The following ANKRD30B variants were observed in gnomAD, a reference collection of about 807,000 sequenced individuals.
ANKRD30B encodes ankyrin repeat domain-containing protein 30B.
In ANKRD30B, 144 loss-of-function variants were observed where a neutral mutation model predicts 202.2. The ratio of observed to expected loss-of-function variants is 0.71; its 90% CI spans 0.62 to 0.82. The LOEUF (loss-of-function observed/expected upper bound fraction) is 0.82. Among genes scored for constraint, ANKRD30B ranks in the 40% least tolerant of loss-of-function variants. ANKRD30B has a pLI of 0.00. For missense variants in ANKRD30B, 1,487 were observed against 1,669.1 expected, an observed-to-expected ratio of 0.89 and a Z score of 1.90; for synonymous variants, 508 against 561.3, an observed-to-expected ratio of 0.91 and a Z score of 1.34.
chr18:14,821,745 A>G (rs1475201470), intron 30 of ANKRD30B, among the ~76,000 whole-genome samples: 7 of 152,216 alleles, frequency 4.6e-5, no homozygotes, highest in Non-Finnish European at 1.0e-4. Context: ...GGCATGAGCC[A>G]TGGCACCTGG....
At chr18:14,870,640 C>G in the ANKRD30B span, among the ~76,000 whole-genome samples, 2 of 152,272 alleles carry the variant, frequency 1.3e-5, no homozygotes, top group South Asian at 4.1e-4. Flanking sequence ...ACCTAGTGGG[C>G]TGCCTACACC....
intron 1 of ANKRD30B, among the ~76,000 whole-genome samples, chr18:14,749,670 CAAAAAAAAAAAAA>C (rs55960708): frequency 1.6e-5 from 1 of 61,196 alleles, no homozygotes; most frequent in African/African-American, 6.8e-5. Context: ...GACTCTGTCT[CAAAAAAAAAAAAA>C]AAAAAAAAAA....
At chr18:14,830,948 C>T (rs915659710) in intron 33 of ANKRD30B, among the ~76,000 whole-genome samples, 7 of 151,490 alleles carry the variant, frequency 4.6e-5, no homozygotes, top group African/African-American at 1.7e-4. Context: ...TTTGGGAGGC[C>T]GAGGCGGGCA....
At chr18:14,821,893 A>G (rs1256594295) in intron 30 of ANKRD30B, among the ~76,000 whole-genome samples, 1 of 152,244 alleles carries the variant, frequency 6.6e-6, no homozygotes, top group African/African-American at 2.4e-5. Context: ...AAATATATTT[A>G]TAAACTTTCA....
intron 14 of ANKRD30B, among the ~76,000 whole-genome samples, chr18:14,786,185 T>C (rs1294149426): frequency 6.6e-6 from 1 of 152,146 alleles, no homozygotes; most frequent in Non-Finnish European, 1.5e-5. Context: ...CAAATAGTTG[T>C]AATTTGTACT....
chr18:14,934,935 C>G, the ANKRD30B span, among the ~76,000 whole-genome samples: 1 of 151,194 alleles, frequency 6.6e-6, no homozygotes, highest in Non-Finnish European at 1.5e-5. Flanking sequence ...CACACACACA[C>G]ACACACACAC....
At chr18:14,833,216 G>A (rs942661702) in intron 34 of ANKRD30B, among the ~76,000 whole-genome samples, 9 of 150,534 alleles carry the variant, frequency 6.0e-5, no homozygotes, top group Non-Finnish European at 1.3e-4. Context: ...GATTACAGGC[G>A]AGAACCACCG....
At chr18:14,895,496 A>G in the ANKRD30B span, among the ~76,000 whole-genome samples, 12 of 152,198 alleles carry the variant, frequency 7.9e-5, no homozygotes, top group Non-Finnish European at 1.6e-4. Flanking sequence ...TGAATATGCT[A>G]TATAATCCAG....
At chr18:14,795,626 A>G (rs914803424) in intron 16 of ANKRD30B, among the ~76,000 whole-genome samples, 1 of 152,206 alleles carries the variant, frequency 6.6e-6, no homozygotes, top group Non-Finnish European at 1.5e-5. Flanking sequence ...AAAAATAAAT[A>G]TATTTATAAA....
intron 32 of ANKRD30B, 127 bp from the exon 33 acceptor site, chr18:14,828,151 T>C: frequency 1.4e-6 from 1 of 703,638 alleles, no homozygotes; most frequent in Non-Finnish European, 2.4e-6. Flanking sequence ...CAGATGATCC[T>C]CCTGCCTCAC....
At chr18:14,830,400 C>T (rs971650540) in intron 33 of ANKRD30B, among the ~76,000 whole-genome samples, 1 of 152,020 alleles carries the variant, frequency 6.6e-6, no homozygotes, top group Admixed American at 6.6e-5. Flanking sequence ...GACTTTCTTA[C>T]TTTTAATGTT....
chr18:14,833,482 A>C (rs933826874), intron 34 of ANKRD30B, among the ~76,000 whole-genome samples: 1 of 152,172 alleles, frequency 6.6e-6, no homozygotes, highest in African/African-American at 2.4e-5. Context: ...TGTTCTATTA[A>C]ACATATCTTT....
chr18:14,850,379 T>C lies in ANKRD30B; in HGVS notation c.3561T>C (p.Asn1187=), dbSNP rs1971833952. The C allele has an allele frequency of 6.6e-7, 1 of 1,526,422 alleles. No homozygotes were observed. The highest frequency in any genetic ancestry group is 8.7e-7 in the Non-Finnish European group (1 of 1,143,458). 94.6% of individuals were successfully genotyped at this position (1,526,422 alleles called of 1,614,324 possible). ...TGAAAAGTGTAACAAGTAATTTGAA[T>C]CAGGTAAATCAATCTCTGGCAAAAA... The part of the protein sequence containing the change: ...IELKSVTSNL[N]QVSHTHESEN... Residue 1187 remains asparagine (N), a synonymous_variant, in exon 41 of 44, where the codon AAT becomes AAC. Coordinates refer to ENST00000690538, the MANE Select transcript of ANKRD30B (RefSeq NM_001367607.2).
the ANKRD30B span, among the ~76,000 whole-genome samples, chr18:14,897,128 A>G: frequency 5.3e-5 from 8 of 152,180 alleles, no homozygotes; most frequent in African/African-American, 1.4e-4. Flanking sequence ...TAAAAGTACT[A>G]TGTGCAAGGC....
In ANKRD30B at chr18:14,851,826, T is replaced by G; in HGVS notation, c.3882T>G (p.Ile1294Met). 6.3e-7 allele frequency: 1 copy of G among 1,593,754 alleles called. No individual in the cohort carries two copies. ...ACAAAGAAATACTGGAGACAGAAATTGAATCACACCATCCTAGACTGGCTT... is the reference window on the plus strand; with the variant it reads ...ACAAAGAAATACTGGAGACAGAAATGGAATCACACCATCCTAGACTGGCTT... ...KQDKEILETE[I>M]ESHHPRLASA... The change falls in exon 42 of 44, where the codon ATT (isoleucine) becomes ATG (methionine). Residue 1294 changes from isoleucine (I) to methionine (M), a missense_variant. Around this residue, in one of 6 missense-constraint regions of ANKRD30B, gnomAD observed 21 missense variants for 57.2 expected, o/e 0.37. Transcript: ENST00000690538.
intron 8 of ANKRD30B, among the ~76,000 whole-genome samples, chr18:14,771,921 T>C (rs1967027342): frequency 6.6e-6 from 1 of 152,182 alleles, no homozygotes; most frequent in South Asian, 2.1e-4. Context: ...GTCTTTATTG[T>C]ATGTTTTAGG....
the ANKRD30B span, among the ~76,000 whole-genome samples, chr18:14,879,048 G>C: frequency 6.6e-6 from 1 of 152,118 alleles, no homozygotes; most frequent in East Asian, 1.9e-4. Flanking sequence ...CGAGGGTGCA[G>C]CTGCGTTCTG....
chr18:14,854,844 CACA>C, downstream of ANKRD30B, among the ~76,000 whole-genome samples: 1 of 149,550 alleles, frequency 6.7e-6, no homozygotes, highest in East Asian at 1.9e-4. Flanking sequence ...CACACACACA[CACA>C]CACACACACA....
the ANKRD30B span, among the ~76,000 whole-genome samples, chr18:14,872,082 A>G: frequency 6.6e-6 from 1 of 152,156 alleles, no homozygotes; most frequent in African/African-American, 2.4e-5. Context: ...CCAAGATCAC[A>G]CAGCCACGAA....
Sources: allele counts gnomAD v4.1 joint callset (sites outside exome capture counted in the v4.1 genomes callset), GRCh38; gene constraint gnomAD v4.1.1; regional missense constraint gnomAD v4.1.1; transcripts MANE v1.5; gene names NCBI Gene and HGNC (gene_info 2026-07-23, HGNC 2026-07-21).